Variants in FLYWCH1 observed in about 807,000 individuals in gnomAD.
The protein encoded by FLYWCH1 is FLYWCH-type zinc finger 1.
FLYWCH1 carries 75 observed loss-of-function variants against 66.4 expected under a neutral mutation model. That is an observed-to-expected ratio of 1.13 (90% CI 0.94 to 1.37). The LOEUF is 1.37. FLYWCH1 is among the 40% of genes most tolerant of loss of function. The pLI, the probability that FLYWCH1 is intolerant of heterozygous loss-of-function variation, is 0.00. For synonymous variants in FLYWCH1, 595 were observed against 429.9 expected, an observed-to-expected ratio of 1.38 and a Z score of -4.75; for missense variants, 1,334 against 1,001.8, an observed-to-expected ratio of 1.33 and a Z score of -4.48.
At position 2,929,707 on chromosome 16, in the gene FLYWCH1, G is replaced by T; in HGVS notation, c.22G>T (p.Glu8Ter). The change falls in exon 3 of 10, where the codon GAG becomes TAG. Residue 8 changes from glutamate (E) to a stop codon, truncating the protein, a stop_gained. Transcript: ENST00000253928. LOFTEE classifies it high-confidence loss of function. ...CGGGATGCCCCTGCCCGAGCCCAGC[G>T]AGCAGGAGGGCGAGAGTGTGAAGGC... is the stretch of plus-strand genomic sequence containing the variant. Reference protein sequence around the residue: MPLPEPSEQEGESVKAGQ... With the variant: MPLPEPS 6.2e-7 allele frequency: 1 copy of T among 1,612,796 alleles called. No homozygotes were observed. Among genetic ancestry groups the T allele is most frequent in the Non-Finnish European group, 8.5e-7 (1 of 1,179,474 alleles).
chr16:2,926,506 C>G (rs1232822953), intron 2 of FLYWCH1, among the ~76,000 whole-genome samples: 1 of 152,140 alleles, frequency 6.6e-6, no homozygotes, highest in African/African-American at 2.4e-5. Context: ...ATCGCTCGGT[C>G]AATGCAAAAT....
chr16:2,915,515 T>C (rs1430781867), intron 2 of FLYWCH1: 1 of 152,158 alleles, frequency 6.6e-6, no homozygotes, highest in Admixed American at 6.6e-5. Flanking sequence ...TTTATATGAG[T>C]ATAAAAGAAT....
At chr16:2,947,416 A>G (rs532773314) in intron 9 of FLYWCH1, among the ~76,000 whole-genome samples, 1 of 80,552 alleles carries the variant, frequency 1.2e-5, no homozygotes, top group African/African-American at 1.0e-4. Flanking sequence ...TGAATTGTAC[A>G]CTTAACGGAT....
At chr16:2,947,905 G>T (rs2071551086) in intron 9 of FLYWCH1, among the ~76,000 whole-genome samples, 1 of 141,970 alleles carries the variant, frequency 7.0e-6, no homozygotes, top group African/African-American at 3.1e-5. Flanking sequence ...GCCAGATGTG[G>T]TGGTGTGCAC....
intron 2 of FLYWCH1, among the ~76,000 whole-genome samples, chr16:2,926,896 T>G (rs781674596): frequency 2.0e-5 from 3 of 152,070 alleles, no homozygotes; most frequent in Admixed American, 6.5e-5. Flanking sequence ...CATTACAACC[T>G]CAAATGCAGG....
At chr16:2,925,028 G>A (rs892133844) in intron 2 of FLYWCH1, among the ~76,000 whole-genome samples, 2 of 152,192 alleles carry the variant, frequency 1.3e-5, no homozygotes, top group African/African-American at 2.4e-5. Context: ...TCACTCTGAC[G>A]GCCTGGGACA....
intron 2 of FLYWCH1, chr16:2,915,107 TAAAATATACTC>T (rs1238944984): frequency 6.6e-6 from 1 of 151,554 alleles, no homozygotes; most frequent in Non-Finnish European, 1.5e-5. Context: ...ATAAATGTAT[TAAAATATACTC>T]ATTTTTATTA....
rs763428029 is a variant in FLYWCH1, at chr16:2,921,973, G to A, written c.-73-7640G>A. Among the ~76,000 whole-genome samples, 13 of 152,226 alleles carry A rather than the reference G, an allele frequency of 8.5e-5. No homozygotes were observed. The South Asian group carries it at 1.5e-3, about 17-fold the overall frequency. The stretch of plus-strand genomic sequence containing the variant: ...AGCTACTCAGGAGGCTGAGGCGGGA[G>A]AATCACTTGAACCCGGGAGGCAGAG... On this transcript the variant is annotated intron_variant, in intron 2 of 9. Coordinates refer to ENST00000253928, the MANE Select transcript of FLYWCH1 (RefSeq NM_001308068.2).
At chr16:2,938,552 C>G (rs2071119015) in intron 8 of FLYWCH1, 96 bp downstream of exon 8, 1 of 1,150,714 alleles carries the variant, frequency 8.7e-7, no homozygotes, top group Non-Finnish European at 1.2e-6. Context: ...ACTGAGCAGA[C>G]TGCTTTTGTG....
chr16:2,912,635 G>A (rs2070029397), intron 1 of FLYWCH1, among the ~76,000 whole-genome samples: 1 of 152,176 alleles, frequency 6.6e-6, no homozygotes, highest in Non-Finnish European at 1.5e-5. Flanking sequence ...TGTGGGTCTG[G>A]ATGACTGAAG....
intron 9 of FLYWCH1, among the ~76,000 whole-genome samples, chr16:2,943,894 G>A (rs545168561): frequency 3.9e-5 from 6 of 152,104 alleles, no homozygotes; most frequent in East Asian, 3.9e-4. Flanking sequence ...CCAAGATCAC[G>A]ACATTGCACT....
intron 4 of FLYWCH1, among the ~76,000 whole-genome samples, chr16:2,932,137 T>C (rs1315368701): frequency 1.1e-5 from 1 of 87,986 alleles, no homozygotes; most frequent in African/African-American, 5.3e-5. Context: ...AAAAAAAAAT[T>C]AGCTGGGCGT....
chr16:2,942,368 C>T (rs1372152568), intron 9 of FLYWCH1, among the ~76,000 whole-genome samples: 1 of 151,868 alleles, frequency 6.6e-6, no homozygotes, highest in Non-Finnish European at 1.5e-5. Flanking sequence ...GGCTGGTCTC[C>T]AACTCCTGGG....
At chr16:2,924,106 G>A (rs531367200) in intron 2 of FLYWCH1, among the ~76,000 whole-genome samples, 5 of 152,082 alleles carry the variant, frequency 3.3e-5, no homozygotes, top group Non-Finnish European at 5.9e-5. Flanking sequence ...CGAGGCAGGC[G>A]GATCACGAGG....
chr16:2,922,483 C>T (rs531052010), intron 2 of FLYWCH1: 2 of 243,264 alleles, frequency 8.2e-6, no homozygotes, highest in Admixed American at 5.0e-5. Flanking sequence ...CCTCATCCTC[C>T]TGCCCCTGGC....
intron 2 of FLYWCH1, among the ~76,000 whole-genome samples, chr16:2,918,356 C>G (rs752464885): frequency 2.0e-5 from 3 of 151,774 alleles, no homozygotes; most frequent in Non-Finnish European, 4.4e-5. Context: ...ACCGTGTTAG[C>G]CAGGATGGTC....
chr16:2,912,384 C>G (rs1043436991), intron 1 of FLYWCH1, among the ~76,000 whole-genome samples: 5 of 140,960 alleles, frequency 3.5e-5, no homozygotes, highest in African/African-American at 1.3e-4. Flanking sequence ...CATCAAGGAT[C>G]CCCGCACTCG....
intron 4 of FLYWCH1, among the ~76,000 whole-genome samples, chr16:2,932,623 G>A (rs1419138062): frequency 6.6e-6 from 1 of 152,156 alleles, no homozygotes; most frequent in Non-Finnish European, 1.5e-5. Flanking sequence ...GCAGGGAACA[G>A]GGAGACTTAT....
chr16:2,922,666 T>G (rs2070415529), intron 2 of FLYWCH1: 1 of 448,962 alleles, frequency 2.2e-6, no homozygotes, highest in Non-Finnish European at 4.3e-6. Context: ...GTTTACATGA[T>G]CTCCATTTTG....
Sources: allele counts gnomAD v4.1 joint callset (sites outside exome capture counted in the v4.1 genomes callset), GRCh38; gene constraint gnomAD v4.1.1; transcripts MANE v1.5; gene names NCBI Gene and HGNC (gene_info 2026-07-23, HGNC 2026-07-21).